ST8SIA4: variants seen among roughly 807,000 people sequenced by gnomAD.
ST8SIA4 encodes the protein ST8 alpha-N-acetyl-neuraminide alpha-2,8-sialyltransferase 4.
Under a neutral mutation model 33.9 loss-of-function variants are expected in ST8SIA4, and 15 were observed. That is an observed-to-expected ratio of 0.44 (90% CI 0.30 to 0.68). The LOEUF is 0.68. Ranked by LOEUF, ST8SIA4 falls within the 30% of genes least tolerant of loss-of-function variation. The pLI, the probability that ST8SIA4 is intolerant of heterozygous loss-of-function variation, is 0.10. For missense variants in ST8SIA4, 321 were observed against 428.0 expected (o/e 0.75, Z 2.21); for synonymous variants, 171 against 151.2 (o/e 1.13, Z -0.96).
At position 100,811,774 on chromosome 5, in the gene ST8SIA4, T is replaced by G; in HGVS notation, c.*73A>C. 1 of 1,471,518 alleles carries G rather than the reference T, an allele frequency of 6.8e-7. No homozygotes were observed. Among genetic ancestry groups the G allele is most frequent in the Non-Finnish European group, 9.1e-7 (1 of 1,095,176 alleles). The allele number at this position is 1,471,518 out of a possible 1,614,324, so 91.2% of individuals were successfully genotyped here. On this transcript the variant is annotated 3_prime_UTR_variant, in exon 5 of 5. Coordinates refer to ENST00000231461, the MANE Select transcript of ST8SIA4 (RefSeq NM_005668.6). The stretch of plus-strand genomic sequence containing the variant: ...GGTGGATGCTGAAACCCAGCCGTGT[T>G]TTGGATCCTATTTTCAAATCTTCGG...
intron 4 of ST8SIA4, among the ~76,000 whole-genome samples, chr5:100,852,143 C>T (rs1214642871): frequency 5.5e-5 from 5 of 90,402 alleles, no homozygotes; most frequent in Admixed American, 1.7e-4. Context: ...TTTTTTGAGA[C>T]GGAGTATCAC....
chr5:100,867,643 T>C (rs1300491292), intron 3 of ST8SIA4, among the ~76,000 whole-genome samples: 1 of 152,040 alleles, frequency 6.6e-6, no homozygotes. Context: ...CACAGAAATG[T>C]CGCTTTGACA....
intron 3 of ST8SIA4, among the ~76,000 whole-genome samples, chr5:100,871,809 T>G (rs1752202378): frequency 6.6e-6 from 1 of 152,064 alleles, no homozygotes. Flanking sequence ...AATGAGAAAA[T>G]CACTCTGCTG....
At chr5:100,879,683 A>G (rs1752376031) in intron 3 of ST8SIA4, among the ~76,000 whole-genome samples, 1 of 152,222 alleles carries the variant, frequency 6.6e-6, no homozygotes, top group Non-Finnish European at 1.5e-5. Context: ...ATTTGGAATT[A>G]TAGACTATAT....
chr5:100,899,435 C>T (rs996572866), intron 1 of ST8SIA4, among the ~76,000 whole-genome samples: 2 of 152,194 alleles, frequency 1.3e-5, no homozygotes, highest in Admixed American at 1.3e-4. Flanking sequence ...CTGGGACTAA[C>T]TTTGCTGTCA....
rs888345873 is a variant in ST8SIA4 at position 100,886,037 on chromosome 5, C to T, written c.503+306G>A. On this transcript the variant is annotated intron_variant, in intron 3 of 4. Transcript: ENST00000231461. ...AACTAATGAGTATGAAGAAGAGATA[C>T]TAAGAAAAAAGTTTGTGTGGAATAT... The T allele has an allele frequency of 4.6e-6, 5 of 1,085,376 alleles. No homozygotes were observed. In the African/African-American group the frequency reaches 8.4e-5, roughly 18 times the overall value. 67.2% of individuals were successfully genotyped at this position (1,085,376 alleles called of 1,614,324 possible). A position where few individuals can be genotyped will look rare whatever the true frequency, so the allele number is the denominator to read the frequency against.
chr5:100,818,446 T>G (rs1200489238), intron 4 of ST8SIA4, among the ~76,000 whole-genome samples: 1 of 152,148 alleles, frequency 6.6e-6, no homozygotes, highest in East Asian at 1.9e-4. Flanking sequence ...GTGCTTGAAG[T>G]CAGAAGACAA....
At chr5:100,879,957 A>G (rs374098345) in intron 3 of ST8SIA4, among the ~76,000 whole-genome samples, 2 of 152,128 alleles carry the variant, frequency 1.3e-5, no homozygotes, top group Non-Finnish European at 2.9e-5. Context: ...TGTGACAGCC[A>G]CTCATCCCAG....
intron 4 of ST8SIA4, among the ~76,000 whole-genome samples, chr5:100,852,166 G>A (rs1751717516): frequency 7.6e-6 from 1 of 132,090 alleles, no homozygotes; most frequent in South Asian, 2.3e-4. Context: ...TGTCATCCAG[G>A]CTGGAGTGCA....
intron 3 of ST8SIA4, among the ~76,000 whole-genome samples, chr5:100,866,883 C>A (rs936289105): frequency 1.3e-5 from 2 of 151,958 alleles, no homozygotes; most frequent in Admixed American, 1.3e-4. Flanking sequence ...GTGAAAAATA[C>A]GTCATTAAAC....
chr5:100,831,201 T>C (rs773314614), intron 4 of ST8SIA4, among the ~76,000 whole-genome samples: 24 of 152,332 alleles, frequency 1.6e-4, no homozygotes, highest in Middle Eastern at 3.4e-3. Flanking sequence ...GACCACTTAA[T>C]TTTGAAGGAA....
At chr5:100,828,614 G>A (rs1260119194) in intron 4 of ST8SIA4, among the ~76,000 whole-genome samples, 1 of 152,066 alleles carries the variant, frequency 6.6e-6, no homozygotes, top group Non-Finnish European at 1.5e-5. Context: ...TCACTCATGG[G>A]ACCCCATAGA....
At chr5:100,815,226 AT>A (rs1332636062) in intron 4 of ST8SIA4, among the ~76,000 whole-genome samples, 1 of 151,974 alleles carries the variant, frequency 6.6e-6, no homozygotes, top group Admixed American at 6.5e-5. Context: ...AGGAAAAAAA[AT>A]CTAAGAAAAA....
intron 3 of ST8SIA4, 50 bp from the exon 4 acceptor site, chr5:100,856,446 C>T (rs750043429): frequency 6.6e-7 from 1 of 1,516,558 alleles, no homozygotes; most frequent in Non-Finnish European, 8.9e-7. Flanking sequence ...GAAATATTCA[C>T]TGGTAAAATG....
intron 4 of ST8SIA4, among the ~76,000 whole-genome samples, chr5:100,846,273 T>C (rs933595887): frequency 2.0e-5 from 3 of 151,980 alleles, no homozygotes; most frequent in African/African-American, 7.2e-5. Flanking sequence ...TTGTTTGAAT[T>C]GCTCTAGAGA....
intron 3 of ST8SIA4, among the ~76,000 whole-genome samples, chr5:100,875,321 A>G (rs1752282155): frequency 6.6e-6 from 1 of 152,208 alleles, no homozygotes; most frequent in South Asian, 2.1e-4. Context: ...GCACTTAAAT[A>G]AAACTTTAAC....
At chr5:100,838,200 A>G (rs542083463) in intron 4 of ST8SIA4, among the ~76,000 whole-genome samples, 1 of 152,150 alleles carries the variant, frequency 6.6e-6, no homozygotes, top group Non-Finnish European at 1.5e-5. Context: ...ATAATCATGA[A>G]GAAATAGAGA....
chr5:100,882,314 A>T (rs1424555843), intron 3 of ST8SIA4, among the ~76,000 whole-genome samples: 1 of 152,132 alleles, frequency 6.6e-6, no homozygotes, highest in African/African-American at 2.4e-5. Context: ...TGCCCTAGAG[A>T]TTGGTGGAAC....
chr5:100,898,425 C>A (rs909470487), intron 1 of ST8SIA4, among the ~76,000 whole-genome samples: 1 of 152,148 alleles, frequency 6.6e-6, no homozygotes, highest in African/African-American at 2.4e-5. Context: ...TTCAGAATAT[C>A]CAAGATTTAA....
Sources: gnomAD v4.1 joint callset for allele counts (sites outside exome capture counted in the v4.1 genomes callset) on GRCh38, gnomAD v4.1.1 for gene constraint, MANE v1.5 for transcripts, NCBI Gene and HGNC (gene_info 2026-07-23, HGNC 2026-07-21) for gene names.